The following MYRIP variants were observed in gnomAD, a reference collection of about 807,000 sequenced individuals.
The protein encoded by MYRIP is myosin VIIA and Rab interacting protein, also known as rab effector MyRIP.
MYRIP carries 49 observed loss-of-function variants against 98.0 expected under a neutral mutation model. That is an observed-to-expected ratio of 0.50 (90% CI 0.40 to 0.63). The LOEUF is 0.63. Ranked by LOEUF, MYRIP falls within the 30% of genes least tolerant of loss-of-function variation. The pLI is 0.00. For synonymous variants in MYRIP, 404 were observed against 409.5 expected (o/e 0.99, Z 0.16); for missense variants, 1,004 against 1,058.2 (o/e 0.95, Z 0.71).
At chr3:40,165,665 AG>A (rs1950486074) in intron 5 of MYRIP, among the ~76,000 whole-genome samples, 1 of 152,136 alleles carries the variant, frequency 6.6e-6, no homozygotes, top group Admixed American at 6.5e-5. Context: ...TAGGATCTCA[AG>A]GGAAACAGAA....
chr3:39,947,413 T>G lies in MYRIP; in HGVS notation c.110+46487T>G, dbSNP rs1394233075. Among the ~76,000 whole-genome samples the G allele has an allele frequency of 9.2e-5, 14 of 152,076 alleles. No homozygotes were observed. The East Asian group carries it at 2.7e-3, about 29-fold the overall frequency. On this transcript the variant is annotated intron_variant, in intron 2 of 16. Coordinates refer to ENST00000302541, the MANE Select transcript of MYRIP (RefSeq NM_015460.4). ...ATAAAATACAAAAAAGGAATACAAA[T>G]GAATAAAGTATTAAAAAACCTCCCA...
At chr3:39,993,134 G>A (rs1454931925) in intron 2 of MYRIP, among the ~76,000 whole-genome samples, 1 of 152,134 alleles carries the variant, frequency 6.6e-6, no homozygotes, top group Admixed American at 6.5e-5. Flanking sequence ...CATTCTTGCT[G>A]TGTCATCCCA....
At chr3:39,834,233 T>C (rs1225022787) in intron 1 of MYRIP, among the ~76,000 whole-genome samples, 3 of 152,222 alleles carry the variant, frequency 2.0e-5, no homozygotes, top group Non-Finnish European at 4.4e-5. Flanking sequence ...TGTAACCTTG[T>C]CTGTAGAATT....
chr3:40,083,924 T>G (rs969549795), intron 3 of MYRIP, among the ~76,000 whole-genome samples: 1 of 151,816 alleles, frequency 6.6e-6, no homozygotes, highest in African/African-American at 2.4e-5. Context: ...GATTATGAGG[T>G]CAGGAGATCA....
intron 3 of MYRIP, among the ~76,000 whole-genome samples, chr3:40,079,399 G>A (rs1013959583): frequency 2.6e-5 from 4 of 152,274 alleles, no homozygotes; most frequent in South Asian, 2.1e-4. Context: ...CAGTTGTTAC[G>A]CTGAATTAGG....
At chr3:39,932,279 A>G (rs575891520) in intron 2 of MYRIP, among the ~76,000 whole-genome samples, 10 of 152,194 alleles carry the variant, frequency 6.6e-5, no homozygotes, top group Non-Finnish European at 1.5e-4. Context: ...GTTTAAAGCG[A>G]CATCATAGAA....
In MYRIP at chr3:39,876,138, G is replaced by GT. The variant is rs1224197817; in HGVS notation, c.-30-24645dup. ...TTTGATCTTTGTTGGTTTAAAGTCT[G>GT]TTTTATCAGAGACTAGCATTGCAAC... On this transcript the variant is annotated intron_variant, in intron 1 of 16. Transcript: ENST00000302541. Among the ~76,000 whole-genome samples the GT allele has an allele frequency of 2.6e-5, 4 of 152,104 alleles. No homozygotes were observed. In the East Asian group the frequency reaches 7.7e-4, roughly 29 times the overall value.
At chr3:40,147,382 C>T (rs1950032471) in intron 3 of MYRIP, among the ~76,000 whole-genome samples, 1 of 152,130 alleles carries the variant, frequency 6.6e-6, no homozygotes, top group East Asian at 1.9e-4. Flanking sequence ...TATATCCAGA[C>T]TTCTATCAGG....
intron 2 of MYRIP, among the ~76,000 whole-genome samples, chr3:40,002,031 A>G (rs1344227928): frequency 6.6e-6 from 1 of 152,162 alleles, no homozygotes; most frequent in Non-Finnish European, 1.5e-5. Flanking sequence ...CTTGCACTCT[A>G]GAAGTATTGC....
intron 1 of MYRIP, among the ~76,000 whole-genome samples, chr3:39,834,387 T>C (rs1357391062): frequency 1.3e-5 from 2 of 152,222 alleles, no homozygotes; most frequent in African/African-American, 4.8e-5. Flanking sequence ...CTTTAACTCA[T>C]GAAGAAAGGA....
chr3:39,919,139 C>A (rs563672054), intron 2 of MYRIP, among the ~76,000 whole-genome samples: 1 of 152,146 alleles, frequency 6.6e-6, no homozygotes, highest in South Asian at 2.1e-4. Flanking sequence ...TCTTCACGTG[C>A]GAGAAATGTA....
chr3:40,218,612 T>TTATATA (rs751894190), intron 11 of MYRIP, among the ~76,000 whole-genome samples: 119 of 13,452 alleles, frequency 8.8e-3, no homozygotes, highest in African/African-American at 0.012. Flanking sequence ...TATATATATT[T>TTATATA]TATATATATA....
intron 3 of MYRIP, among the ~76,000 whole-genome samples, chr3:40,134,786 C>T (rs905056906): frequency 1.3e-5 from 2 of 152,212 alleles, no homozygotes; most frequent in African/African-American, 4.8e-5. Context: ...CTGGAGTGGA[C>T]CTCCGGTGAA....
intron 15 of MYRIP, 60 bp downstream of exon 15, chr3:40,250,559 G>A: frequency 6.4e-7 from 1 of 1,561,274 alleles, no homozygotes; most frequent in Non-Finnish European, 8.8e-7. Flanking sequence ...TTTACTTTGG[G>A]TAACAAAGAG....
chr3:39,834,677 C>T (rs1439682533), intron 1 of MYRIP, among the ~76,000 whole-genome samples: 5 of 152,138 alleles, frequency 3.3e-5, no homozygotes, highest in African/African-American at 1.2e-4. Context: ...TATTCCTTTA[C>T]CATTACCACA....
intron 3 of MYRIP, among the ~76,000 whole-genome samples, chr3:40,136,396 A>G (rs937856721): frequency 1.3e-5 from 2 of 152,152 alleles, no homozygotes; most frequent in Admixed American, 6.6e-5. Flanking sequence ...AGGCCTTAGA[A>G]ACCTACAAAG....
At chr3:40,148,741 CTT>C (rs922077830) in intron 3 of MYRIP, among the ~76,000 whole-genome samples, 1 of 152,118 alleles carries the variant, frequency 6.6e-6, no homozygotes. Flanking sequence ...TATCTTGACT[CTT>C]TTTTCTTTCT....
At chr3:40,130,827 C>T (rs1949622926) in intron 3 of MYRIP, among the ~76,000 whole-genome samples, 1 of 152,080 alleles carries the variant, frequency 6.6e-6, no homozygotes, top group Admixed American at 6.5e-5. Flanking sequence ...CCTAAACTTT[C>T]TGCCTTCCCT....
At chr3:39,927,344 A>G (rs1250381687) in intron 2 of MYRIP, among the ~76,000 whole-genome samples, 1 of 151,962 alleles carries the variant, frequency 6.6e-6, no homozygotes, top group Non-Finnish European at 1.5e-5. Context: ...TGCTCTGGCT[A>G]GGGCTTCTAG....
Sources: allele counts gnomAD v4.1 joint callset (sites outside exome capture counted in the v4.1 genomes callset), GRCh38; gene constraint gnomAD v4.1.1; transcripts MANE v1.5; gene names NCBI Gene and HGNC (gene_info 2026-07-23, HGNC 2026-07-21).